The following SLAIN2 variants were observed in gnomAD, a reference collection of about 807,000 sequenced individuals.
SLAIN2 encodes SLAIN motif-containing protein 2.
In SLAIN2, 31 loss-of-function variants were observed where a neutral mutation model predicts 56.6. That is an observed-to-expected ratio of 0.55 (90% confidence interval 0.41 to 0.74). The LOEUF is 0.74. Ranked by LOEUF, SLAIN2 falls within the 30% of genes least tolerant of loss-of-function variation. The pLI, the probability that SLAIN2 is intolerant of heterozygous loss-of-function variation, is 0.00. For missense variants in SLAIN2, 777 were observed against 754.2 expected (o/e 1.03, Z -0.35); for synonymous variants, 317 against 284.9 (o/e 1.11, Z -1.13).
At chr4:48,405,925 C>T (rs563518372) in intron 6 of SLAIN2, among the ~76,000 whole-genome samples, 1 of 152,098 alleles carries the variant, frequency 6.6e-6, no homozygotes, top group Non-Finnish European at 1.5e-5. Context: ...CAAAGGTGGC[C>T]AGTTTTAAAA....
chr4:48,393,316 T>C (rs1716281566), intron 6 of SLAIN2, among the ~76,000 whole-genome samples: 1 of 151,956 alleles, frequency 6.6e-6, no homozygotes, highest in Non-Finnish European at 1.5e-5. Context: ...CATAACCTCC[T>C]GGGCTCAAGC....
At chr4:48,404,292 T>C (rs1049584658) in intron 6 of SLAIN2, among the ~76,000 whole-genome samples, 9 of 152,324 alleles carry the variant, frequency 5.9e-5, no homozygotes, top group African/African-American at 2.2e-4. Flanking sequence ...ATTAGACTAC[T>C]TGAAAATGGA....
chr4:48,393,050 G>A (rs1484739762), intron 6 of SLAIN2, among the ~76,000 whole-genome samples: 2 of 151,854 alleles, frequency 1.3e-5, no homozygotes, highest in African/African-American at 4.8e-5. Context: ...TACTCTGATA[G>A]TAACCTGTAT....
rs1376343639 is a variant in SLAIN2, at chr4:48,342,159, C to T, written c.389+31C>T. On this transcript the variant is annotated intron_variant, in intron 1 of 7. Transcript: ENST00000264313. ...CGCGAGGCGCCGGGCAGGAGCTGGGCGGGGACGGGCCCGGGGGCGGAGAGC... is the reference window on the plus strand; with the variant it reads ...CGCGAGGCGCCGGGCAGGAGCTGGGTGGGGACGGGCCCGGGGGCGGAGAGC... The T allele has an allele frequency of 6.0e-6, 8 of 1,331,976 alleles. No individual in the cohort carries two copies. The South Asian group carries it at 1.4e-4, about 23-fold the overall frequency. The allele number at this position is 1,331,976 out of a possible 1,614,324, so 82.5% of individuals were successfully genotyped here.
At chr4:48,343,620 A>G (rs1371173409) in intron 1 of SLAIN2, among the ~76,000 whole-genome samples, 1 of 152,158 alleles carries the variant, frequency 6.6e-6, no homozygotes, top group Non-Finnish European at 1.5e-5. Flanking sequence ...TAGTAGTCCA[A>G]AGTAGTTGGG....
rs1051402444 is a variant in SLAIN2, at chr4:48,422,860, C to A, written c.*783C>A. On this transcript the variant is annotated 3_prime_UTR_variant, in exon 8 of 8. Transcript: ENST00000264313. ...ACAATCTTTCTGAACTTTATAGTTCCTGGCTCAGGAAAGATGGCCTTTGCT... is the reference window on the plus strand; with the variant it reads ...ACAATCTTTCTGAACTTTATAGTTCATGGCTCAGGAAAGATGGCCTTTGCT... The A allele has an allele frequency of 2.6e-5, 4 of 152,170 alleles. No homozygotes were observed. The highest frequency in any genetic ancestry group is 9.7e-5 in the African/African-American group (4 of 41,444). The allele number at this position is 152,170 out of a possible 1,614,324, so 9.4% of individuals were successfully genotyped here.
intron 6 of SLAIN2, among the ~76,000 whole-genome samples, chr4:48,417,591 A>G (rs1286840941): frequency 7.5e-4 from 85 of 113,504 alleles, no homozygotes; most frequent in African/African-American, 2.5e-3. Context: ...CATTGATGCA[A>G]AAATCCTCAA....
At chr4:48,342,188 C>T in intron 1 of SLAIN2, 60 bp downstream of exon 1, 1 of 1,327,624 alleles carries the variant, frequency 7.5e-7, no homozygotes, top group Middle Eastern at 2.2e-4. Flanking sequence ...GGAGAGCGTC[C>T]TCTGAGGGTC....
At chr4:48,392,721 CTA>C (rs1232935463) in intron 6 of SLAIN2, among the ~76,000 whole-genome samples, 1 of 152,006 alleles carries the variant, frequency 6.6e-6, no homozygotes, top group Non-Finnish European at 1.5e-5. Flanking sequence ...CCTGATCACT[CTA>C]TTTATAATTG....
At chr4:48,406,145 G>C (rs1445722834) in intron 6 of SLAIN2, among the ~76,000 whole-genome samples, 4 of 152,146 alleles carry the variant, frequency 2.6e-5, no homozygotes, top group Non-Finnish European at 5.9e-5. Flanking sequence ...CCTGGAGTCA[G>C]GCATTTCTCC....
In SLAIN2 at chr4:48,345,369, G is replaced by T. The variant is rs139928094; in HGVS notation, c.389+3241G>T. 8.6e-5 allele frequency among the ~76,000 whole-genome samples: 13 copies of T among 152,002 alleles called. No individual in the cohort carries two copies. In the East Asian group the frequency reaches 2.5e-3, roughly 29 times the overall value. On this transcript the variant is annotated intron_variant, in intron 1 of 7. Transcript: ENST00000264313. ...AGATAATGTAATTCTCTGATCCTTC[G>T]ACCATGGTTATTTTTTTCTTAATTA...
At chr4:48,414,287 T>C (rs1716938671) in intron 6 of SLAIN2, among the ~76,000 whole-genome samples, 1 of 152,184 alleles carries the variant, frequency 6.6e-6, no homozygotes, top group Admixed American at 6.5e-5. Context: ...AGTTAATTTA[T>C]AGGGAAAGCC....
In SLAIN2 at chr4:48,342,711, C is replaced by CTTTTTTTTT. The variant is rs761272695; in HGVS notation, c.389+599_389+607dup. 5.9e-3 allele frequency among the ~76,000 whole-genome samples: 391 copies of CTTTTTTTTT among 65,936 alleles called. 12 individuals are homozygous for CTTTTTTTTT. Among genetic ancestry groups the CTTTTTTTTT allele is most frequent in the East Asian group, 6.9e-3 (12 of 1,742 alleles). 43.3% of individuals were successfully genotyped at this position (65,936 alleles called of 152,430 possible). ...GAAGAGAGGGCAGAGGATGGTGCTGCTTTTTTTTTTTTTTTTTTTTTTTTG... is the reference window on the plus strand; with the variant it reads ...GAAGAGAGGGCAGAGGATGGTGCTGCTTTTTTTTTTTTTTTTTTTTTTTTTTTTTTTTTG... On this transcript the variant is annotated intron_variant, in intron 1 of 7. Transcript: ENST00000264313.
At chr4:48,344,441 A>G (rs559099319) in intron 1 of SLAIN2, among the ~76,000 whole-genome samples, 2 of 152,286 alleles carry the variant, frequency 1.3e-5, no homozygotes, top group South Asian at 4.1e-4. Flanking sequence ...GCAAAGTGCT[A>G]GTTCTGAAGA....
chr4:48,396,569 C>T (rs1716394660), intron 6 of SLAIN2, among the ~76,000 whole-genome samples: 2 of 152,156 alleles, frequency 1.3e-5, no homozygotes, highest in African/African-American at 4.8e-5. Flanking sequence ...TCTGCATTGA[C>T]TGGCAGGAGC....
intron 1 of SLAIN2, among the ~76,000 whole-genome samples, chr4:48,350,641 T>G (rs1232267772): frequency 6.6e-6 from 1 of 152,210 alleles, no homozygotes; most frequent in Non-Finnish European, 1.5e-5. Flanking sequence ...TTATTTCACC[T>G]CTTTCATTTA....
rs1341637158 is a variant in SLAIN2, at chr4:48,425,848, A to G, written c.*3771A>G. ...GCTTACCAGTCTGAAAATGAAACCGATTATACTCATCGGCCTTATTTACTG... is the reference window on the plus strand; with the variant it reads ...GCTTACCAGTCTGAAAATGAAACCGGTTATACTCATCGGCCTTATTTACTG... On this transcript the variant is annotated 3_prime_UTR_variant, in exon 8 of 8. Transcript: ENST00000264313. 6.6e-6 allele frequency: 1 copy of G among 152,150 alleles called. No individual in the cohort carries two copies. Among genetic ancestry groups the G allele is most frequent in the African/African-American group, 2.4e-5 (1 of 41,446 alleles). 9.4% of individuals were successfully genotyped at this position (152,150 alleles called of 1,614,324 possible). A position where few individuals can be genotyped will look rare whatever the true frequency, so the allele number is the denominator to read the frequency against.
At chr4:48,397,606 C>A (rs756628317) in intron 6 of SLAIN2, among the ~76,000 whole-genome samples, 6 of 152,122 alleles carry the variant, frequency 3.9e-5, no homozygotes, top group Non-Finnish European at 5.9e-5. Context: ...ATCAACCTAT[C>A]ACCTAGGTAT....
chr4:48,394,929 T>C (rs774232719), intron 6 of SLAIN2, among the ~76,000 whole-genome samples: 17 of 152,226 alleles, frequency 1.1e-4, no homozygotes, highest in African/African-American at 2.9e-4. Context: ...TCATTTCAAC[T>C]TTTTGCCAAC....
Sources: allele counts gnomAD v4.1 joint callset (sites outside exome capture counted in the v4.1 genomes callset), GRCh38; gene constraint gnomAD v4.1.1; transcripts MANE v1.5; gene names NCBI Gene and HGNC (gene_info 2026-07-23, HGNC 2026-07-21).